PRUNE2: variants seen among roughly 807,000 people sequenced by gnomAD.
PRUNE2 encodes protein prune homolog 2.
PRUNE2 carries 164 observed loss-of-function variants against 252.0 expected under a neutral mutation model. That is an observed-to-expected ratio of 0.65 (90% CI 0.57 to 0.74). The LOEUF (loss-of-function observed/expected upper bound fraction) is 0.74. PRUNE2 is among the 30% of genes least tolerant of loss of function. The pLI, the probability that PRUNE2 is intolerant of heterozygous loss-of-function variation, is 0.00. For synonymous variants in PRUNE2, 1,292 were observed against 1,350.2 expected, an observed-to-expected ratio of 0.96 and a Z score of 0.94; for missense variants, 3,495 against 3,711.0, an observed-to-expected ratio of 0.94 and a Z score of 1.51.
intron 4 of PRUNE2, among the ~76,000 whole-genome samples, chr9:76,837,441 A>AAATAATAATAATAATAAT (rs57793891): frequency 0.028 from 3,728 of 134,692 alleles, 63 homozygotes; most frequent in East Asian, 0.035. Flanking sequence ...ACTCTGTCTC[A>AAATAATAATAATAATAAT]AATAATAATA....
At chr9:76,684,768 T>A (rs1242364047) in intron 9 of PRUNE2, among the ~76,000 whole-genome samples, 2 of 152,150 alleles carry the variant, frequency 1.3e-5, no homozygotes, top group Non-Finnish European at 2.9e-5. Context: ...TTATTTATTT[T>A]TGAGATGGAG....
chr9:76,881,685 G>T (rs1180273397), intron 1 of PRUNE2, among the ~76,000 whole-genome samples: 4 of 150,550 alleles, frequency 2.7e-5, no homozygotes, highest in Admixed American at 1.3e-4. Flanking sequence ...GCAGTGGCAC[G>T]ATCTTGGCTC....
chr9:76,655,124 T>A (rs1256149960), intron 10 of PRUNE2, among the ~76,000 whole-genome samples: 1 of 152,122 alleles, frequency 6.6e-6, no homozygotes, highest in Non-Finnish European at 1.5e-5. Flanking sequence ...AACTTAGACA[T>A]TAGTCAGAAT....
rs1473620813 is a variant in PRUNE2 at position 76,692,085 on chromosome 9, G to C, written c.8276+11252C>G. ...CAGGACCCACCTACCTTCTGAGGAT[G>C]AGAGGAGGCTTTCTAACGGAGGGTG... On this transcript the variant is annotated intron_variant, in intron 9 of 18. Coordinates refer to ENST00000376718, the MANE Select transcript of PRUNE2 (RefSeq NM_015225.3). 7 of 717,404 alleles carry C rather than the reference G, an allele frequency of 9.8e-6. No homozygotes were observed. The South Asian group carries it at 1.0e-4, about 11-fold the overall frequency. The allele number at this position is 717,404 out of a possible 1,614,324, so 44.4% of individuals were successfully genotyped here. A position where few individuals can be genotyped will look rare whatever the true frequency, so the allele number is the denominator to read the frequency against.
chr9:76,636,028 A>G (rs995166107), intron 15 of PRUNE2, among the ~76,000 whole-genome samples: 1 of 152,208 alleles, frequency 6.6e-6, no homozygotes, highest in Non-Finnish European at 1.5e-5. Context: ...AGTTATATAA[A>G]CGTTGTGTAG....
At chr9:76,668,865 T>C (rs1013978729) in intron 9 of PRUNE2, among the ~76,000 whole-genome samples, 1 of 149,484 alleles carries the variant, frequency 6.7e-6, no homozygotes, top group South Asian at 2.3e-4. Context: ...CAACAGAAAT[T>C]TACTCGCTCA....
intron 12 of PRUNE2, among the ~76,000 whole-genome samples, chr9:76,643,481 G>A (rs959061216): frequency 5.3e-5 from 8 of 152,142 alleles, no homozygotes; most frequent in African/African-American, 1.9e-4. Context: ...TCCTCTTATG[G>A]TTTTCACATA....
At position 76,637,490 on chromosome 9, in the gene PRUNE2, T is replaced by C. The variant is rs765729595; in HGVS notation, c.8891A>G (p.Asn2964Ser). ...VAEDYMIVYLNGATPRRRMPG... is the reference protein window; with the variant it reads ...VAEDYMIVYLSGATPRRRMPG... Reference sequence around the variant, plus strand: ...CATCCTCCTTCTTGGGGTTGCACCATTCAAGTACACAATCATATAGTCTTC... The same window carrying C: ...CATCCTCCTTCTTGGGGTTGCACCACTCAAGTACACAATCATATAGTCTTC... The change falls in exon 14 of 19, where the codon AAT becomes AGT. Residue 2964 changes from asparagine to serine, a missense_variant. Coordinates refer to ENST00000376718, the MANE Select transcript of PRUNE2 (RefSeq NM_015225.3). The C allele has an allele frequency of 6.2e-7, 1 of 1,613,464 alleles. No individual in the cohort carries two copies. Among genetic ancestry groups the C allele is most frequent in the Non-Finnish European group, 8.5e-7 (1 of 1,179,554 alleles).
intron 1 of PRUNE2, among the ~76,000 whole-genome samples, chr9:76,865,789 T>A (rs545050557): frequency 1.7e-4 from 22 of 127,610 alleles, no homozygotes; most frequent in Non-Finnish European, 3.2e-4. Context: ...TCTCCCTTCT[T>A]TCTCCCTCTC....
intron 1 of PRUNE2, among the ~76,000 whole-genome samples, chr9:76,881,379 G>C (rs1346465395): frequency 6.6e-6 from 1 of 151,814 alleles, no homozygotes; most frequent in Non-Finnish European, 1.5e-5. Context: ...GTATATATGA[G>C]TAAGTACACA....
rs556195592 is a variant in PRUNE2, at chr9:76,620,748, A to T, written c.9189-1361T>A. Among the ~76,000 whole-genome samples the T allele has an allele frequency of 2.5e-3, 385 of 152,050 alleles. 7 individuals are homozygous for T. Among genetic ancestry groups the T allele is most frequent in the African/African-American group, 8.9e-3 (370 of 41,446 alleles). ...GTCAAGTAAGTGTTGACAGCGTGCT[A>T]AAAAAAACCTAGCAAAGCTGGAATG... is the stretch of plus-strand genomic sequence containing the variant. On this transcript the variant is annotated intron_variant, in intron 17 of 18. Transcript: ENST00000376718.
intron 4 of PRUNE2, among the ~76,000 whole-genome samples, chr9:76,839,294 G>A (rs1415752356): frequency 6.6e-6 from 1 of 152,186 alleles, no homozygotes; most frequent in Admixed American, 6.5e-5. Flanking sequence ...ACACAACAGT[G>A]AAGCAGTGCA....
chr9:76,785,739 G>C (rs1018216568), intron 6 of PRUNE2: 1 of 151,974 alleles, frequency 6.6e-6, no homozygotes, highest in Non-Finnish European at 1.5e-5. Flanking sequence ...AGCTCTGTGT[G>C]TGTGTGTGTG....
chr9:76,624,377 A>T (rs1833767326), intron 17 of PRUNE2, 75 bp downstream of exon 17: 2 of 971,872 alleles, frequency 2.1e-6, no homozygotes, highest in Non-Finnish European at 2.8e-6. Context: ...AACACCAGGC[A>T]TGCAGATTTT....
At chr9:76,654,437 C>T (rs1277252382) in intron 10 of PRUNE2, among the ~76,000 whole-genome samples, 1 of 152,134 alleles carries the variant, frequency 6.6e-6, no homozygotes, top group Non-Finnish European at 1.5e-5. Flanking sequence ...AGTTTCAACA[C>T]TGAGTTTCTA....
At chr9:76,784,424 C>T (rs1033100982) in intron 6 of PRUNE2, 1 of 152,142 alleles carries the variant, frequency 6.6e-6, no homozygotes, top group South Asian at 2.1e-4. Context: ...GAGATAACCA[C>T]GGGGCAGAGG....
chr9:76,688,573 C>T (rs35592481), intron 9 of PRUNE2, among the ~76,000 whole-genome samples: 15,860 of 152,182 alleles, frequency 0.1, 868 homozygotes, highest in Non-Finnish European at 0.11. Flanking sequence ...AGCTTTCTTC[C>T]GTGTCTGCAG....
Position 76,652,431 on chromosome 9 carries a change from A to G in PRUNE2, c.8557+52T>C, listed in dbSNP as rs760033727. On this transcript the variant is annotated intron_variant, in intron 11 of 18. Coordinates refer to ENST00000376718, the MANE Select transcript of PRUNE2 (RefSeq NM_015225.3). ...ACAAAAATGAGAGGTCTGTTAGAAA[A>G]TCTTTTACTTATTTAGCATTTAACT... is the stretch of plus-strand genomic sequence containing the variant. The G allele has an allele frequency of 3.2e-6, 4 of 1,262,944 alleles. No individual in the cohort carries two copies. The East Asian group carries it at 9.3e-5, about 29-fold the overall frequency. 78.2% of individuals were successfully genotyped at this position (1,262,944 alleles called of 1,614,324 possible).
chr9:76,662,392 A>AC (rs1394183683), intron 9 of PRUNE2, among the ~76,000 whole-genome samples: 5 of 152,374 alleles, frequency 3.3e-5, no homozygotes, highest in African/African-American at 1.2e-4. Flanking sequence ...GCAGTATGTG[A>AC]CAGAGAATGA....
Sources: gnomAD v4.1 joint callset for allele counts (sites outside exome capture counted in the v4.1 genomes callset) on GRCh38, gnomAD v4.1.1 for gene constraint, MANE v1.5 for transcripts, NCBI Gene and HGNC (gene_info 2026-07-23, HGNC 2026-07-21) for gene names.